CEP57: variants seen among roughly 807,000 people sequenced by gnomAD.
CEP57 encodes centrosomal protein 57.
A neutral mutation model predicts 68.0 loss-of-function variants in CEP57; 40 were observed. That is an observed-to-expected ratio of 0.59 (90% confidence interval 0.46 to 0.77). The LOEUF (loss-of-function observed/expected upper bound fraction) is 0.77, where lower values mean the gene tolerates loss of function less well. Ranked by LOEUF, CEP57 falls within the 30% of genes least tolerant of loss-of-function variation. The pLI is 0.00. For missense variants in CEP57, 606 were observed against 580.7 expected (o/e 1.04, Z -0.45); for synonymous variants, 219 against 198.7 (o/e 1.10, Z -0.86).
At chr11:95,795,910 A>G (rs904208977) in intron 1 of CEP57, among the ~76,000 whole-genome samples, 3 of 152,110 alleles carry the variant, frequency 2.0e-5, no homozygotes, top group Non-Finnish European at 4.4e-5. Context: ...ATTGCCTTTT[A>G]TATCCATTTC....
chr11:95,802,222 T>G (rs916085494), intron 2 of CEP57, among the ~76,000 whole-genome samples: 12 of 151,194 alleles, frequency 7.9e-5, no homozygotes, highest in Admixed American at 2.6e-4. Flanking sequence ...TCAACAAGAG[T>G]ACAGCATGTG....
At chr11:95,808,904 C>T (rs1861928663) in intron 2 of CEP57, among the ~76,000 whole-genome samples, 2 of 152,168 alleles carry the variant, frequency 1.3e-5, no homozygotes, top group South Asian at 2.1e-4. Context: ...AATATACATT[C>T]TTCTCAGCAC....
chr11:95,799,329 G>A lies in CEP57; in HGVS notation c.143G>A (p.Ser48Asn). The A allele has an allele frequency of 6.2e-7, 1 of 1,614,076 alleles. No individual in the cohort carries two copies. The highest frequency in any genetic ancestry group is 2.2e-5 in the East Asian group (1 of 44,870). The change falls in exon 2 of 11, where the codon AGT (serine) becomes AAT (asparagine). Residue 48 changes from serine to asparagine, a missense_variant. Transcript: ENST00000325542. ...CCTTCGGATAAGCCTTTCCTTAATA[G>A]TGATCTACGACGCTCCCCAAGTAAG... Reference protein sequence around the residue: ...VYPSDKPFLNSDLRRSPSKPT... With the variant: ...VYPSDKPFLNNDLRRSPSKPT...
chr11:95,810,766 T>C (rs1046096002), intron 2 of CEP57, among the ~76,000 whole-genome samples: 4 of 152,200 alleles, frequency 2.6e-5, no homozygotes, highest in Non-Finnish European at 5.9e-5. Context: ...GAAATAGCCA[T>C]ACTGCCCAAG....
At chr11:95,802,965 A>G (rs553596449) in intron 2 of CEP57, among the ~76,000 whole-genome samples, 1 of 152,288 alleles carries the variant, frequency 6.6e-6, no homozygotes, top group South Asian at 2.1e-4. Context: ...CAGAATCTAG[A>G]TGATAGCTCC....
intron 2 of CEP57, among the ~76,000 whole-genome samples, chr11:95,806,359 A>T (rs1016493791): frequency 6.6e-6 from 1 of 152,214 alleles, no homozygotes; most frequent in East Asian, 1.9e-4. Context: ...TACCGGGTTC[A>T]TCTCACTGGG....
chr11:95,796,867 C>T (rs1462115974), intron 1 of CEP57, among the ~76,000 whole-genome samples: 1 of 152,094 alleles, frequency 6.6e-6, no homozygotes, highest in Non-Finnish European at 1.5e-5. Context: ...TGTTCTTAAG[C>T]AATTTCAGTT....
intron 2 of CEP57, among the ~76,000 whole-genome samples, chr11:95,810,062 A>C (rs1861986788): frequency 6.6e-6 from 1 of 152,216 alleles, no homozygotes; most frequent in African/African-American, 2.4e-5. Context: ...AAATCAGTAA[A>C]CGTAATTCAT....
Position 95,790,663 on chromosome 11 carries a change from C to T in CEP57, c.-36C>T. 3.1e-6 allele frequency: 5 copies of T among 1,611,078 alleles called. No individual in the cohort carries two copies. The highest frequency in any genetic ancestry group is 4.2e-6 in the Non-Finnish European group (5 of 1,178,716). Reference sequence around the variant, plus strand: ...AGAAGAGCACGAGAACCTAGACCGCCCCCGAAGTGCGGAGACCCCCTGGGC... The same window carrying T: ...AGAAGAGCACGAGAACCTAGACCGCTCCCGAAGTGCGGAGACCCCCTGGGC... On this transcript the variant is annotated 5_prime_UTR_variant, in exon 1 of 11. Transcript: ENST00000325542.
chr11:95,790,786 G>C, intron 1 of CEP57, 43 bp downstream of exon 1: 1 of 1,610,008 alleles, frequency 6.2e-7, no homozygotes, highest in Non-Finnish European at 8.5e-7. Flanking sequence ...TCGGCCCTAA[G>C]CGCCTCTTTG....
rs555919246 is a variant in CEP57, at chr11:95,808,146, C to T, written c.203-4786C>T. On this transcript the variant is annotated intron_variant, in intron 2 of 10. Transcript: ENST00000325542. ...TTTGTAAGTGAAGGAGAAATAAAAT[C>T]CTTTACAGACAAGCAAATGCTGAGA... Among the ~76,000 whole-genome samples the T allele has an allele frequency of 3.1e-3, 470 of 151,780 alleles. 5 individuals are homozygous for T. Among genetic ancestry groups the T allele is most frequent in the African/African-American group, 0.011 (450 of 41,386 alleles).
At position 95,822,591 on chromosome 11, in the gene CEP57, C is replaced by T; in HGVS notation, c.885+15C>T. 1.3e-6 allele frequency: 2 copies of T among 1,599,812 alleles called. No individual in the cohort carries two copies. Among genetic ancestry groups the T allele is most frequent in the Non-Finnish European group, 1.7e-6 (2 of 1,167,192 alleles). On this transcript the variant is annotated intron_variant, in intron 8 of 10. Transcript: ENST00000325542. Reference sequence around the variant, plus strand: ...TAGCTGGGAAGGTGAGTTGGTCAAACTCCGGATTCTTTTTATACAACATTG... The same window carrying T: ...TAGCTGGGAAGGTGAGTTGGTCAAATTCCGGATTCTTTTTATACAACATTG...
chr11:95,812,857 T>A (rs537943906), intron 2 of CEP57, 75 bp from the exon 3 acceptor site: 1 of 1,307,800 alleles, frequency 7.6e-7, no homozygotes, highest in African/African-American at 1.4e-5. Context: ...TTTATTTAGA[T>A]GAGTTTATTC....
chr11:95,817,453 AATTAAGAG>A (rs1194832493), intron 4 of CEP57, among the ~76,000 whole-genome samples: 19 of 152,192 alleles, frequency 1.2e-4, no homozygotes, highest in Non-Finnish European at 2.9e-5. Flanking sequence ...TTTTTACCCT[AATTAAGAG>A]ATTAACTACT....
chr11:95,798,745 C>CT (rs1591047648), intron 1 of CEP57, among the ~76,000 whole-genome samples: 1 of 152,112 alleles, frequency 6.6e-6, no homozygotes, highest in East Asian at 1.9e-4. Context: ...TAATTATTTT[C>CT]TTTTTTGTTA....
At chr11:95,806,683 C>T (rs148610270) in intron 2 of CEP57, among the ~76,000 whole-genome samples, 12 of 152,294 alleles carry the variant, frequency 7.9e-5, no homozygotes, top group East Asian at 5.8e-4. Flanking sequence ...GAGGGGCATC[C>T]GCAATTGCTG....
rs781601491 is a variant in CEP57, at chr11:95,831,304, A to G, written c.*48A>G. On this transcript the variant is annotated 3_prime_UTR_variant, in exon 11 of 11. Transcript: ENST00000325542. ...TATTCAGATAATCTGTACCTCATCA[A>G]TCAGATGATGACAATTTACTTCCCA... The G allele has an allele frequency of 7.7e-7, 1 of 1,298,466 alleles. No homozygotes were observed. Among genetic ancestry groups the G allele is most frequent in the South Asian group, 1.2e-5 (1 of 81,950 alleles). The allele number at this position is 1,298,466 out of a possible 1,614,324, so 80.4% of individuals were successfully genotyped here. A position where few individuals can be genotyped will look rare whatever the true frequency, so the allele number is the denominator to read the frequency against.
intron 2 of CEP57, among the ~76,000 whole-genome samples, chr11:95,804,208 A>T (rs1255804538): frequency 6.6e-6 from 1 of 152,224 alleles, no homozygotes; most frequent in Non-Finnish European, 1.5e-5. Flanking sequence ...TACAAATAAA[A>T]ACGATGGATG....
intron 8 of CEP57, chr11:95,827,585 C>A: frequency 1.7e-6 from 1 of 604,674 alleles, no homozygotes; most frequent in Non-Finnish European, 2.9e-6. Context: ...GTATGTAGGG[C>A]CTTATTTTCC....
Sources: allele counts gnomAD v4.1 joint callset (sites outside exome capture counted in the v4.1 genomes callset), GRCh38; gene constraint gnomAD v4.1.1; transcripts MANE v1.5; gene names NCBI Gene and HGNC (gene_info 2026-07-23, HGNC 2026-07-21).